PDLIM5: variants seen among roughly 807,000 people sequenced by gnomAD.
The protein encoded by PDLIM5 is PDZ and LIM domain protein 5.
Under a neutral mutation model 64.2 loss-of-function variants are expected in PDLIM5, and 34 were observed. The observed-to-expected ratio is 0.53, with a 90% CI of 0.40 to 0.71. PDLIM5 has a LOEUF of 0.71. Ranked by LOEUF, PDLIM5 falls within the 30% of genes least tolerant of loss-of-function variation. The pLI is 0.00. For missense variants in PDLIM5, 683 were observed against 733.6 expected, an observed-to-expected ratio of 0.93 and a Z score of 0.80; for synonymous variants, 253 against 269.1, an observed-to-expected ratio of 0.94 and a Z score of 0.59.
chr4:94,639,270 C>T (rs1740813217), intron 8 of PDLIM5, among the ~76,000 whole-genome samples: 1 of 152,046 alleles, frequency 6.6e-6, no homozygotes, highest in African/African-American at 2.4e-5. Context: ...AAGCAGAGAC[C>T]ACTGGGGGGA....
intron 7 of PDLIM5, among the ~76,000 whole-genome samples, chr4:94,614,401 T>C (rs1053045586): frequency 1.3e-5 from 2 of 152,160 alleles, no homozygotes; most frequent in Admixed American, 6.5e-5. Flanking sequence ...AGGCATGAAC[T>C]ACTGTGCCCA....
At chr4:94,556,727 C>A (rs1279954635) in intron 3 of PDLIM5, among the ~76,000 whole-genome samples, 1 of 152,168 alleles carries the variant, frequency 6.6e-6, no homozygotes, top group Non-Finnish European at 1.5e-5. Context: ...CTGCTCATAT[C>A]CTTCACCCAC....
At chr4:94,599,981 G>A (rs924055711) in intron 7 of PDLIM5, among the ~76,000 whole-genome samples, 16 of 152,202 alleles carry the variant, frequency 1.1e-4, no homozygotes, top group Non-Finnish European at 1.5e-5. Context: ...AGATGGTGAA[G>A]TGATTAGATT....
chr4:94,459,517 C>T (rs1394375117), intron 2 of PDLIM5, among the ~76,000 whole-genome samples: 2 of 152,142 alleles, frequency 1.3e-5, no homozygotes, highest in Non-Finnish European at 2.9e-5. Context: ...CAGAGAAGGA[C>T]AGAATTGTGA....
At chr4:94,480,499 A>G (rs565079317) in intron 2 of PDLIM5, among the ~76,000 whole-genome samples, 8 of 152,322 alleles carry the variant, frequency 5.3e-5, no homozygotes, top group African/African-American at 1.9e-4. Context: ...ACCCAGAGAG[A>G]TGATGGGAAG....
At position 94,508,491 on chromosome 4, in the gene PDLIM5, T is replaced by C. The variant is rs112717055; in HGVS notation, c.97-15233T>C. 5.3e-5 allele frequency among the ~76,000 whole-genome samples: 8 copies of C among 152,278 alleles called. 1 individual carries two copies. The highest frequency in any genetic ancestry group is 1.2e-4 in the African/African-American group (5 of 41,560). On this transcript the variant is annotated intron_variant, in intron 2 of 12. Transcript: ENST00000317968. ...GGCCTTGGTTTTGAAAGGCTACAGC[T>C]GTATAAAGGAGTCTGTTGCCATACG...
In PDLIM5 at chr4:94,544,047, C is replaced by T. The variant is rs572541977; in HGVS notation, c.248+20172C>T. On this transcript the variant is annotated intron_variant, in intron 3 of 12. Coordinates refer to ENST00000317968, the MANE Select transcript of PDLIM5 (RefSeq NM_006457.5). ...CTAGTTTACATTCCCACTAGCAGTA[C>T]GCTAAGGGTTTCCTTTTCCTCACAT... Among the ~76,000 whole-genome samples, 12 of 152,190 alleles carry T rather than the reference C, an allele frequency of 7.9e-5. No individual in the cohort carries two copies. The South Asian group carries it at 2.1e-3, about 26-fold the overall frequency.
Position 94,604,597 on chromosome 4 carries a change from G to C in PDLIM5, c.921-13407G>C, listed in dbSNP as rs549700440. On this transcript the variant is annotated intron_variant, in intron 7 of 12. Transcript: ENST00000317968. ...TGCAGTGAGCCGGGATTGTGCCACT[G>C]TACTCCAGCCTGGGTGACAGAGTGA... 3.3e-5 allele frequency among the ~76,000 whole-genome samples: 5 copies of C among 152,254 alleles called. No homozygotes were observed. In the South Asian group the frequency reaches 1.0e-3, roughly 32 times the overall value.
chr4:94,564,936 A>T (rs1021964661), intron 3 of PDLIM5, among the ~76,000 whole-genome samples: 1 of 152,002 alleles, frequency 6.6e-6, no homozygotes, highest in Non-Finnish European at 1.5e-5. Flanking sequence ...GATTACAGGC[A>T]TGAGCCGCCA....
intron 2 of PDLIM5, among the ~76,000 whole-genome samples, chr4:94,514,821 A>G (rs1729223433): frequency 6.6e-6 from 1 of 152,196 alleles, no homozygotes; most frequent in African/African-American, 2.4e-5. Flanking sequence ...ATTTATTGGC[A>G]TACAGTTGCT....
intron 8 of PDLIM5, among the ~76,000 whole-genome samples, chr4:94,625,197 C>T (rs1010909212): frequency 4.6e-5 from 7 of 152,044 alleles, no homozygotes; most frequent in Admixed American, 1.3e-4. Context: ...TTAAAACACC[C>T]GTGGAGGATT....
intron 8 of PDLIM5, among the ~76,000 whole-genome samples, chr4:94,639,415 G>T (rs1163820877): frequency 6.6e-6 from 1 of 152,160 alleles, no homozygotes; most frequent in Non-Finnish European, 1.5e-5. Context: ...CTGGTAGCTG[G>T]TCGAGGTTGG....
chr4:94,469,306 A>G (rs548244755), intron 2 of PDLIM5, among the ~76,000 whole-genome samples: 2 of 152,316 alleles, frequency 1.3e-5, no homozygotes, highest in Admixed American at 1.3e-4. Context: ...AACTGGAGGA[A>G]AGGGATGGGT....
intron 2 of PDLIM5, among the ~76,000 whole-genome samples, chr4:94,489,289 G>A (rs1163633505): frequency 6.6e-6 from 1 of 152,184 alleles, no homozygotes; most frequent in Non-Finnish European, 1.5e-5. Context: ...GAACTTTACA[G>A]GGTGTGGGAA....
intron 7 of PDLIM5, among the ~76,000 whole-genome samples, chr4:94,614,064 G>T (rs1257134503): frequency 3.3e-5 from 5 of 149,788 alleles, no homozygotes; most frequent in African/African-American, 1.2e-4. Context: ...GCGGGTTCAA[G>T]TGATTCTCCT....
chr4:94,485,279 A>G (rs1415709620), intron 2 of PDLIM5, among the ~76,000 whole-genome samples: 13 of 151,824 alleles, frequency 8.6e-5, no homozygotes, highest in Admixed American at 7.9e-4. Flanking sequence ...CTGTTCACCA[A>G]TCCCTTCTAG....
At chr4:94,636,250 T>C (rs1740548027) in intron 8 of PDLIM5, among the ~76,000 whole-genome samples, 1 of 152,172 alleles carries the variant, frequency 6.6e-6, no homozygotes, top group Admixed American at 6.5e-5. Context: ...TTAGAGCTTA[T>C]GCATAGATAA....
At chr4:94,574,163 C>G (rs1205580724) in intron 4 of PDLIM5, among the ~76,000 whole-genome samples, 2 of 152,128 alleles carry the variant, frequency 1.3e-5, no homozygotes, top group African/African-American at 4.8e-5. Flanking sequence ...CGTGTGGGCA[C>G]TAAGCTACTT....
At chr4:94,608,169 C>G in intron 7 of PDLIM5, 1 of 1,529,674 alleles carries the variant, frequency 6.5e-7, no homozygotes, top group Non-Finnish European at 8.8e-7. Context: ...GTAGCAACTA[C>G]TTATTCTAGG....
Sources: allele counts gnomAD v4.1 joint callset (sites outside exome capture counted in the v4.1 genomes callset), GRCh38; gene constraint gnomAD v4.1.1; transcripts MANE v1.5; gene names NCBI Gene and HGNC (gene_info 2026-07-23, HGNC 2026-07-21).